ZRANB1: variants seen among roughly 807,000 people sequenced by gnomAD.
ZRANB1 encodes the protein ubiquitin thioesterase ZRANB1.
A neutral mutation model predicts 80.5 loss-of-function variants in ZRANB1; 16 were observed. The observed-to-expected ratio is 0.20, with a 90% confidence interval of 0.13 to 0.30. The LOEUF (loss-of-function observed/expected upper bound fraction) is 0.30. Among genes scored for constraint, ZRANB1 ranks in the 10% least tolerant of loss-of-function variants. The pLI is 1.00. For missense variants in ZRANB1, 576 were observed against 862.6 expected (o/e 0.67, Z 4.16); for synonymous variants, 291 against 293.1 (o/e 0.99, Z 0.07).
chr10:124,978,249 G>A (rs1951897854), intron 5 of ZRANB1, among the ~76,000 whole-genome samples: 3 of 152,180 alleles, frequency 2.0e-5, no homozygotes, highest in Admixed American at 2.0e-4. Flanking sequence ...GGTTTTCTAG[G>A]CCAGGAGAGG....
Position 124,983,106 on chromosome 10 carries a change from T to C in ZRANB1, c.1549-69T>C. 1.3e-6 allele frequency: 2 copies of C among 1,517,090 alleles called. No homozygotes were observed. The highest frequency in any genetic ancestry group is 1.8e-6 in the Non-Finnish European group (2 of 1,128,994). The allele number at this position is 1,517,090 out of a possible 1,614,324, so 94.0% of individuals were successfully genotyped here. ...ATAGTATACTGAAGGGGAGGTAGTA[T>C]TGTTTTTTACACATCAGTTTTCCAG... is the stretch of plus-strand genomic sequence containing the variant. On this transcript the variant is annotated intron_variant, in intron 6 of 8. Coordinates refer to ENST00000359653, the MANE Select transcript of ZRANB1 (RefSeq NM_017580.3). The surrounding 1 kb of genome is among the most constrained non-coding windows in gnomAD (Gnocchi z 6.2).
Position 124,972,056 on chromosome 10 carries a change from A to G in ZRANB1, c.1094A>G (p.Gln365Arg). 1 of 1,614,010 alleles carries G rather than the reference A, an allele frequency of 6.2e-7. No individual in the cohort carries two copies. Among genetic ancestry groups the G allele is most frequent in the Non-Finnish European group, 8.5e-7 (1 of 1,179,914 alleles). Residue 365 changes from glutamine (Q) to arginine (R), a missense_variant, in exon 3 of 9, where the codon CAG becomes CGG. Around this residue, in one of 3 missense-constraint regions of ZRANB1, gnomAD observed 411 missense variants for 583.1 expected, o/e 0.70. Coordinates refer to ENST00000359653, the MANE Select transcript of ZRANB1 (RefSeq NM_017580.3). ...AGAGAGATAGCTGCCTCTCTTCATC[A>G]GAGAAAGGGGGATTTTGCTTGCTAT... ...IRREIAASLH[Q>R]RKGDFACYFL...
intron 1 of ZRANB1, among the ~76,000 whole-genome samples, chr10:124,965,993 G>A (rs901735909): frequency 1.3e-5 from 2 of 152,060 alleles, no homozygotes; most frequent in Admixed American, 1.3e-4. Flanking sequence ...CAATTTTTAC[G>A]TTATTAATAA....
At chr10:124,963,265 C>CAAA (rs397844792) in intron 1 of ZRANB1, among the ~76,000 whole-genome samples, 8 of 62,322 alleles carry the variant, frequency 1.3e-4, no homozygotes, top group South Asian at 5.4e-4. Flanking sequence ...GACTCTGTCT[C>CAAA]AAAAAAAAAA....
the ZRANB1 span, among the ~76,000 whole-genome samples, chr10:124,925,861 G>C: frequency 6.6e-6 from 1 of 152,152 alleles, no homozygotes; most frequent in Admixed American, 6.6e-5. Context: ...TCTGAGCAAT[G>C]CATTTTTAGG....
Position 124,942,394 on chromosome 10 carries a change from G to A in ZRANB1, c.-100G>A. On this transcript the variant is annotated 5_prime_UTR_variant, in exon 1 of 9. Transcript: ENST00000359653. Reference sequence around the variant, plus strand: ...TTGTAGGTTGAAGGACTTGCTTTTTGGGCAGCGTATTTTTGGAGGTGGAAT... The same window carrying A: ...TTGTAGGTTGAAGGACTTGCTTTTTAGGCAGCGTATTTTTGGAGGTGGAAT... The A allele has an allele frequency of 6.6e-7, 1 of 1,526,496 alleles. No individual in the cohort carries two copies. The highest frequency in any genetic ancestry group is 8.8e-7 in the Non-Finnish European group (1 of 1,139,298). 94.6% of individuals were successfully genotyped at this position (1,526,496 alleles called of 1,614,324 possible).
At chr10:124,960,590 A>T (rs1951725111) in intron 1 of ZRANB1, among the ~76,000 whole-genome samples, 4 of 152,082 alleles carry the variant, frequency 2.6e-5, no homozygotes, top group East Asian at 1.9e-4. Context: ...GACTAATTTT[A>T]AAAAATTTTT....
chr10:124,917,348 C>T, the ZRANB1 span: 1 of 150,614 alleles, frequency 6.6e-6, no homozygotes, highest in Non-Finnish European at 1.5e-5. Flanking sequence ...GGTTGCCGGG[C>T]CTCACGGGCT....
At chr10:124,949,496 TACACACAC>T (rs71964464) in intron 1 of ZRANB1, among the ~76,000 whole-genome samples, 7 of 129,206 alleles carry the variant, frequency 5.4e-5, no homozygotes, top group South Asian at 2.5e-4. Context: ...TATTCACGTA[TACACACAC>T]ACACACACAC....
chr10:124,949,184 A>G (rs958135327), intron 1 of ZRANB1, among the ~76,000 whole-genome samples: 2 of 152,132 alleles, frequency 1.3e-5, no homozygotes, highest in African/African-American at 4.8e-5. Context: ...TGTTTTTTCA[A>G]AAAAATCATT....
chr10:124,960,553 G>A (rs890797743), intron 1 of ZRANB1, among the ~76,000 whole-genome samples: 1 of 152,052 alleles, frequency 6.6e-6, no homozygotes, highest in African/African-American at 2.4e-5. Flanking sequence ...CAAGTAGCTG[G>A]GACTACAGGC....
intron 1 of ZRANB1, among the ~76,000 whole-genome samples, chr10:124,943,748 C>G: frequency 6.6e-6 from 1 of 152,240 alleles, no homozygotes; most frequent in Admixed American, 6.5e-5. Context: ...TACACATCAG[C>G]AGTAAAATAT....
At chr10:124,940,196 C>G (rs1951522278), upstream of ZRANB1, among the ~76,000 whole-genome samples, 1 of 152,154 alleles carries the variant, frequency 6.6e-6, no homozygotes, top group Non-Finnish European at 1.5e-5. Context: ...TTTGGCTGAC[C>G]AGCCCAGTTG....
chr10:124,976,893 T>C (rs1178431770), intron 5 of ZRANB1, among the ~76,000 whole-genome samples: 1 of 152,076 alleles, frequency 6.6e-6, no homozygotes, highest in East Asian at 1.9e-4. Context: ...GGTAATTTCC[T>C]GATCTGTTGA....
chr10:124,966,271 C>G (rs773632856), intron 1 of ZRANB1, among the ~76,000 whole-genome samples: 5 of 151,950 alleles, frequency 3.3e-5, no homozygotes, highest in Admixed American at 1.3e-4. Flanking sequence ...GGCTCAGTGT[C>G]TCTTGTTACG....
At chr10:124,957,700 C>A (rs935533006) in intron 1 of ZRANB1, among the ~76,000 whole-genome samples, 1 of 151,492 alleles carries the variant, frequency 6.6e-6, no homozygotes, top group Non-Finnish European at 1.5e-5. Context: ...TAAGGTTCAT[C>A]TGTGTTGTGA....
intron 1 of ZRANB1, among the ~76,000 whole-genome samples, chr10:124,954,566 G>C (rs1426834599): frequency 1.3e-5 from 2 of 149,738 alleles, no homozygotes; most frequent in Non-Finnish European, 3.0e-5. Context: ...TCCTGCCTCA[G>C]CTTCCCTAGT....
At chr10:124,923,780 GTAT>G in the ZRANB1 span, among the ~76,000 whole-genome samples, 7 of 151,714 alleles carry the variant, frequency 4.6e-5, 1 homozygote, top group African/African-American at 1.7e-4. Context: ...AACTCACTCA[GTAT>G]CTCAAGAACA....
In ZRANB1 at chr10:124,986,285, G is replaced by GCACACACACACACACACACA. The variant is rs1295268779; in HGVS notation, c.*1294_*1295insACACACACACACACACACAC. 1.7e-5 allele frequency: 1 copy of GCACACACACACACACACACA among 57,794 alleles called. No individual in the cohort carries two copies. The highest frequency in any genetic ancestry group is 5.6e-5 in the African/African-American group (1 of 17,880). The allele number at this position is 57,794 out of a possible 1,614,324, so 3.6% of individuals were successfully genotyped here. On this transcript the variant is annotated 3_prime_UTR_variant, in exon 9 of 9. Transcript: ENST00000359653. ...TTGGAAAGACGACACACGCACGCGC[G>GCACACACACACACACACACA]CGCGCGCACACACACACACACACAC...
Sources: gnomAD v4.1 joint callset for allele counts (sites outside exome capture counted in the v4.1 genomes callset) on GRCh38, gnomAD v4.1.1 for gene constraint, gnomAD v4.1.1 regional missense constraint, Gnocchi (gnomAD v3.1) non-coding constraint, MANE v1.5 for transcripts, NCBI Gene and HGNC (gene_info 2026-07-23, HGNC 2026-07-21) for gene names.